The following SGCZ variants were observed in gnomAD, a reference collection of about 807,000 sequenced individuals.
SGCZ encodes zeta-sarcoglycan.
A neutral mutation model predicts 41.3 loss-of-function variants in SGCZ; 40 were observed. That is an observed-to-expected ratio of 0.97 (90% CI 0.75 to 1.26). SGCZ has a LOEUF of 1.26. SGCZ is among the 50% of genes most tolerant of loss of function. The pLI is 0.00. For missense variants in SGCZ, 552 were observed against 369.8 expected (o/e 1.49, Z -4.04); for synonymous variants, 206 against 137.5 (o/e 1.50, Z -3.49).
At chr8:14,402,531 T>C (rs1352786157) in intron 2 of SGCZ, among the ~76,000 whole-genome samples, 1 of 148,766 alleles carries the variant, frequency 6.7e-6, no homozygotes, top group Non-Finnish European at 1.5e-5. Context: ...CCCAGCACCA[T>C]TTATTAAATA....
At chr8:14,844,173 C>T (rs962707607) in intron 1 of SGCZ, among the ~76,000 whole-genome samples, 7 of 152,058 alleles carry the variant, frequency 4.6e-5, no homozygotes, top group Non-Finnish European at 8.8e-5. Flanking sequence ...ATAGTATTTA[C>T]ATATAACCTA....
chr8:14,108,048 T>C (rs777947588), intron 6 of SGCZ, 115 bp downstream of exon 6: 48 of 812,090 alleles, frequency 5.9e-5, no homozygotes, highest in Non-Finnish European at 8.7e-5. Context: ...TTTTTGTATT[T>C]ATTTTAAGTA....
intron 1 of SGCZ, among the ~76,000 whole-genome samples, chr8:15,122,030 T>C (rs1807501203): frequency 6.6e-6 from 1 of 151,988 alleles, no homozygotes; most frequent in Admixed American, 6.6e-5. Context: ...AGAAATTCTA[T>C]ATAAAAATAG....
chr8:14,429,430 A>T (rs1456057570), intron 2 of SGCZ, among the ~76,000 whole-genome samples: 1 of 152,170 alleles, frequency 6.6e-6, no homozygotes, highest in Non-Finnish European at 1.5e-5. Context: ...TTACTGAAAT[A>T]GGAGGAGGCC....
At chr8:15,021,160 A>G (rs935022812) in intron 1 of SGCZ, among the ~76,000 whole-genome samples, 1 of 152,256 alleles carries the variant, frequency 6.6e-6, no homozygotes, top group African/African-American at 2.4e-5. Flanking sequence ...GTATTAAGCT[A>G]AAATGCTGCT....
At chr8:14,769,470 C>T (rs1174514724) in intron 1 of SGCZ, among the ~76,000 whole-genome samples, 1 of 152,116 alleles carries the variant, frequency 6.6e-6, no homozygotes, top group Non-Finnish European at 1.5e-5. Context: ...TATCAGTGCT[C>T]ATAAAAGGAA....
chr8:14,367,563 G>C (rs182758932), intron 2 of SGCZ, among the ~76,000 whole-genome samples: 112 of 152,174 alleles, frequency 7.4e-4, no homozygotes, highest in African/African-American at 2.5e-3. Flanking sequence ...TTTCTGGGGA[G>C]GCCTCAGGAA....
chr8:14,257,284 T>C (rs551087505), intron 3 of SGCZ, among the ~76,000 whole-genome samples: 1 of 151,896 alleles, frequency 6.6e-6, no homozygotes, highest in East Asian at 1.9e-4. Context: ...TGAACCGTGA[T>C]TGTGCCACTC....
chr8:15,079,398 T>C (rs1160243494), intron 1 of SGCZ, among the ~76,000 whole-genome samples: 1 of 152,216 alleles, frequency 6.6e-6, no homozygotes, highest in African/African-American at 2.4e-5. Context: ...GAGGACTTCA[T>C]AGACATTGTT....
intron 3 of SGCZ, among the ~76,000 whole-genome samples, chr8:14,280,490 T>C (rs1585314505): frequency 6.6e-6 from 1 of 151,882 alleles, no homozygotes; most frequent in African/African-American, 2.4e-5. Flanking sequence ...TATAATTTTA[T>C]AATTAATCTT....
intron 7 of SGCZ, among the ~76,000 whole-genome samples, chr8:14,097,623 G>C (rs1160742585): frequency 2.0e-5 from 3 of 152,160 alleles, no homozygotes. Flanking sequence ...CCAGAGCTGA[G>C]TTCATGTCCT....
At chr8:14,584,671 A>T (rs940835159) in intron 1 of SGCZ, among the ~76,000 whole-genome samples, 1 of 152,042 alleles carries the variant, frequency 6.6e-6, no homozygotes, top group African/African-American at 2.4e-5. Flanking sequence ...GCTAAATTTA[A>T]TTTTTTTATT....
Position 15,133,004 on chromosome 8 carries a change from A to C in SGCZ, c.39+104581T>G, listed in dbSNP as rs113893849. ...AGAACACAAATAAAATTAGCCAGGC[A>C]TGGTGGCGTGGGCCTGTAGTCCCAG... is the stretch of plus-strand genomic sequence containing the variant. On this transcript the variant is annotated intron_variant, in intron 1 of 7. Coordinates refer to ENST00000382080, the MANE Select transcript of SGCZ (RefSeq NM_139167.4). Among the ~76,000 whole-genome samples, 1,493 of 152,198 alleles carry C rather than the reference A, an allele frequency of 9.8e-3. 21 individuals carry two copies. Among genetic ancestry groups the C allele is most frequent in the African/African-American group, 0.033 (1,351 of 41,534 alleles).
intron 2 of SGCZ, among the ~76,000 whole-genome samples, chr8:14,331,125 G>C (rs137860964): frequency 4.2e-4 from 63 of 151,728 alleles, no homozygotes; most frequent in African/African-American, 1.5e-3. Flanking sequence ...ACAGTTTCGA[G>C]ACAACTTGGA....
chr8:14,354,701 A>G (rs1179404687), intron 2 of SGCZ, among the ~76,000 whole-genome samples: 2 of 151,848 alleles, frequency 1.3e-5, no homozygotes, highest in Non-Finnish European at 2.9e-5. Context: ...AAAACTATGT[A>G]TCTCTAAACA....
At chr8:14,769,772 G>C (rs1054674835) in intron 1 of SGCZ, among the ~76,000 whole-genome samples, 1 of 111,300 alleles carries the variant, frequency 9.0e-6, no homozygotes, top group African/African-American at 4.8e-5. Context: ...TCCATCCTGG[G>C]CGACAAGAGC....
At chr8:14,928,307 A>G (rs1003573061) in intron 1 of SGCZ, among the ~76,000 whole-genome samples, 1 of 152,148 alleles carries the variant, frequency 6.6e-6, no homozygotes, top group Admixed American at 6.5e-5. Flanking sequence ...TTCATACTCA[A>G]CGTCAAATAT....
At chr8:14,194,070 G>A (rs1483400049) in intron 4 of SGCZ, among the ~76,000 whole-genome samples, 1 of 151,570 alleles carries the variant, frequency 6.6e-6, no homozygotes, top group African/African-American at 2.4e-5. Flanking sequence ...ATTTCTCATG[G>A]AAATAAAGAA....
chr8:14,522,046 C>T (rs992877569), intron 2 of SGCZ, among the ~76,000 whole-genome samples: 16 of 152,094 alleles, frequency 1.1e-4, no homozygotes, highest in Admixed American at 1.0e-3. Flanking sequence ...CATCTTTACT[C>T]AGTTAACCTG....
Sources: gnomAD v4.1 joint callset for allele counts (sites outside exome capture counted in the v4.1 genomes callset) on GRCh38, gnomAD v4.1.1 for gene constraint, MANE v1.5 for transcripts, NCBI Gene and HGNC (gene_info 2026-07-23, HGNC 2026-07-21) for gene names.